The following PDE4B variants were observed in gnomAD, a reference collection of about 807,000 sequenced individuals.
The protein encoded by PDE4B is 3',5'-cyclic-AMP phosphodiesterase 4B.
PDE4B carries 20 observed loss-of-function variants against 82.2 expected under a neutral mutation model. That is an observed-to-expected ratio of 0.24 (90% confidence interval 0.17 to 0.35). PDE4B has a LOEUF of 0.35. Ranked by LOEUF, PDE4B falls within the 10% of genes least tolerant of loss-of-function variation. PDE4B has a pLI of 1.00. For missense variants in PDE4B, 655 were observed against 907.2 expected (o/e 0.72, Z 3.57); for synonymous variants, 320 against 318.9 (o/e 1.00, Z -0.04).
chr1:65,881,503 G>C (rs2310880), intron 1 of PDE4B, among the ~76,000 whole-genome samples: 27,670 of 152,024 alleles, frequency 0.18, 2,981 homozygotes, highest in South Asian at 0.38. Flanking sequence ...ATAATTTTCT[G>C]GAATGCTTAC....
chr1:66,350,493 C>T (rs527824627), intron 8 of PDE4B, among the ~76,000 whole-genome samples: 1 of 152,186 alleles, frequency 6.6e-6, no homozygotes, highest in East Asian at 1.9e-4. Context: ...GTTTTAATCA[C>T]TTAGGAGTCA....
chr1:66,294,104 G>T (rs967718343), intron 7 of PDE4B, among the ~76,000 whole-genome samples: 4 of 152,160 alleles, frequency 2.6e-5, no homozygotes, highest in African/African-American at 9.7e-5. Flanking sequence ...TACTCAGGAG[G>T]CTGAGGCAGG....
intron 3 of PDE4B, among the ~76,000 whole-genome samples, chr1:65,995,447 A>G (rs1651488097): frequency 6.6e-6 from 1 of 152,186 alleles, no homozygotes; most frequent in Non-Finnish European, 1.5e-5. Flanking sequence ...TAAAGTCTCT[A>G]GCCTAATGCT....
intron 7 of PDE4B, among the ~76,000 whole-genome samples, chr1:66,280,748 A>G (rs879602044): frequency 3.3e-5 from 5 of 152,082 alleles, no homozygotes; most frequent in African/African-American, 4.8e-5. Flanking sequence ...TAAAGCCACA[A>G]TGCCGAAGTT....
chr1:65,946,075 C>A (rs1026006503), intron 3 of PDE4B, among the ~76,000 whole-genome samples: 2 of 152,026 alleles, frequency 1.3e-5, no homozygotes, highest in Non-Finnish European at 2.9e-5. Flanking sequence ...GTTGATCCAT[C>A]CATGTACTAA....
Position 66,257,882 on chromosome 1 carries a change from G to A in PDE4B, c.584+19G>A. 6.3e-7 allele frequency: 1 copy of A among 1,589,252 alleles called. No individual in the cohort carries two copies. The highest frequency in any genetic ancestry group is 2.2e-5 in the East Asian group (1 of 44,718). The stretch of plus-strand genomic sequence containing the variant: ...CTAACAAGTAAGGATTGACTTTTTT[G>A]TGGAGTTTGAATCCCTAACATAAAG... On this transcript the variant is annotated intron_variant, in intron 6 of 16. Coordinates refer to ENST00000341517, the MANE Select transcript of PDE4B (RefSeq NM_002600.4).
At chr1:66,270,050 A>G (rs1326523374) in intron 7 of PDE4B, among the ~76,000 whole-genome samples, 1 of 152,208 alleles carries the variant, frequency 6.6e-6, no homozygotes, top group Non-Finnish European at 1.5e-5. Flanking sequence ...TCTATGGGTC[A>G]CTGGAAATGA....
At chr1:65,843,470 C>A (rs959688992) in intron 1 of PDE4B, among the ~76,000 whole-genome samples, 1 of 152,146 alleles carries the variant, frequency 6.6e-6, no homozygotes, top group African/African-American at 2.4e-5. Context: ...TTATGAGAAG[C>A]ACCTCTTGTT....
chr1:66,139,772 G>A (rs1178086757), intron 3 of PDE4B, among the ~76,000 whole-genome samples: 1 of 150,654 alleles, frequency 6.6e-6, no homozygotes, highest in East Asian at 1.9e-4. Context: ...ACAACCAATG[G>A]GCCAAACATA....
At chr1:66,343,081 C>A (rs989403591) in intron 8 of PDE4B, among the ~76,000 whole-genome samples, 2 of 150,590 alleles carry the variant, frequency 1.3e-5, no homozygotes, top group Middle Eastern at 3.2e-3. Context: ...CAAAAAAAAA[C>A]AAAAAAAACT....
At chr1:65,963,927 A>G (rs935503123) in intron 3 of PDE4B, among the ~76,000 whole-genome samples, 7 of 152,098 alleles carry the variant, frequency 4.6e-5, no homozygotes, top group African/African-American at 1.7e-4. Flanking sequence ...ATCCCTATTT[A>G]TGCTTGTATG....
chr1:65,999,896 A>T (rs1271477695), intron 3 of PDE4B, among the ~76,000 whole-genome samples: 1 of 152,162 alleles, frequency 6.6e-6, no homozygotes, highest in African/African-American at 2.4e-5. Flanking sequence ...AGCTTTGTTG[A>T]TACTTACTCT....
intron 8 of PDE4B, among the ~76,000 whole-genome samples, chr1:66,347,087 T>G (rs1397111321): frequency 6.6e-6 from 1 of 152,202 alleles, no homozygotes; most frequent in Non-Finnish European, 1.5e-5. Context: ...GTTATGACGT[T>G]GGGTTAGCTG....
chr1:66,302,463 C>G (rs1657964689), intron 7 of PDE4B, among the ~76,000 whole-genome samples: 1 of 152,072 alleles, frequency 6.6e-6, no homozygotes, highest in African/African-American at 2.4e-5. Context: ...ATTTGTTGAG[C>G]AAATCTGGAT....
rs963912717 is a variant in PDE4B at position 66,119,331 on chromosome 1, G to A, written c.282-128129G>A. 5.9e-5 allele frequency among the ~76,000 whole-genome samples: 9 copies of A among 152,284 alleles called. No homozygotes were observed. The South Asian group carries it at 1.2e-3, about 21-fold the overall frequency. On this transcript the variant is annotated intron_variant, in intron 3 of 16. Coordinates refer to ENST00000341517, the MANE Select transcript of PDE4B (RefSeq NM_002600.4). ...AGGGTGCAGCTGTACTGAGACATTCGTTACATTGAGTCTTGTAGAATCAGG... is the reference window on the plus strand; with the variant it reads ...AGGGTGCAGCTGTACTGAGACATTCATTACATTGAGTCTTGTAGAATCAGG...
chr1:66,198,563 G>A (rs750513962), intron 3 of PDE4B, among the ~76,000 whole-genome samples: 9 of 151,870 alleles, frequency 5.9e-5, no homozygotes, highest in African/African-American at 4.8e-5. Flanking sequence ...TTCACTTGGG[G>A]CCTCTTTCTG....
chr1:66,204,234 G>A (rs1032317129), intron 3 of PDE4B, among the ~76,000 whole-genome samples: 3 of 152,218 alleles, frequency 2.0e-5, no homozygotes, highest in Admixed American at 6.5e-5. Context: ...GTACCCGGCT[G>A]TGTGAGGTGT....
intron 8 of PDE4B, among the ~76,000 whole-genome samples, chr1:66,350,882 A>G (rs1198259633): frequency 6.6e-6 from 1 of 152,244 alleles, no homozygotes; most frequent in South Asian, 2.1e-4. Context: ...TGAAGCCATC[A>G]AACAAAATGT....
chr1:65,920,805 AT>A (rs5774775), intron 3 of PDE4B, among the ~76,000 whole-genome samples: 24,521 of 152,082 alleles, frequency 0.16, 2,283 homozygotes, highest in Middle Eastern at 0.29. Flanking sequence ...TTTAGCCATT[AT>A]TCATGTTCAA....
Sources: gnomAD v4.1 joint callset for allele counts (sites outside exome capture counted in the v4.1 genomes callset) on GRCh38, gnomAD v4.1.1 for gene constraint, MANE v1.5 for transcripts, NCBI Gene and HGNC (gene_info 2026-07-23, HGNC 2026-07-21) for gene names.